Variants in TMEM178A observed in about 807,000 individuals in gnomAD.
The protein encoded by TMEM178A is transmembrane protein 178.
TMEM178A carries 12 observed loss-of-function variants against 29.1 expected under a neutral mutation model. The observed-to-expected ratio is 0.41, with a 90% CI of 0.26 to 0.67. The LOEUF (loss-of-function observed/expected upper bound fraction) is 0.67, where lower values mean the gene tolerates loss of function less well. Among genes scored for constraint, TMEM178A ranks in the 30% least tolerant of loss-of-function variants. The pLI is 0.29. For missense variants in TMEM178A, 366 were observed against 419.1 expected (o/e 0.87, Z 1.11); for synonymous variants, 210 against 187.2 (o/e 1.12, Z -0.99).
At chr2:39,709,821 GA>G (rs1672224715) in intron 3 of TMEM178A, among the ~76,000 whole-genome samples, 1 of 152,240 alleles carries the variant, frequency 6.6e-6, no homozygotes, top group Non-Finnish European at 1.5e-5. Flanking sequence ...GCCTCAGTAG[GA>G]GGAGTTTTTA....
chr2:39,689,821 A>G (rs1671235411), intron 1 of TMEM178A, among the ~76,000 whole-genome samples: 1 of 152,236 alleles, frequency 6.6e-6, no homozygotes, highest in Non-Finnish European at 1.5e-5. Context: ...GTGGTAACTC[A>G]GGAGTCCAGT....
At chr2:39,682,844 G>A (rs1670924575) in intron 1 of TMEM178A, among the ~76,000 whole-genome samples, 1 of 152,156 alleles carries the variant, frequency 6.6e-6, no homozygotes, top group South Asian at 2.1e-4. Context: ...TGGGTCACAG[G>A]GTCTGTGAAA....
chr2:39,667,649 G>C, intron 1 of TMEM178A, among the ~76,000 whole-genome samples: 1 of 152,184 alleles, frequency 6.6e-6, no homozygotes, highest in Admixed American at 6.5e-5. Flanking sequence ...CTAGTTGGCG[G>C]ATTCTTCATT....
chr2:39,666,125 G>A lies in TMEM178A; in HGVS notation c.151G>A (p.Asp51Asn). 6.5e-7 allele frequency: 1 copy of A among 1,542,270 alleles called. No individual in the cohort carries two copies. The highest frequency in any genetic ancestry group is 1.4e-5 in the African/African-American group (1 of 70,150). ...CTGCGAGCGCAGCCGCGCGGGCGCC[G>A]ACCCCCCGGACCAGAAGAACCGCCT... ...ESCERSRAGA[D>N]PPDQKNRLMP... Residue 51 changes from aspartate (D) to asparagine (N), a missense_variant, in exon 1 of 4, where the codon GAC becomes AAC. By Grantham distance (23) the Asp-to-Asn change is conservative (BLOSUM62 1). Transcript: ENST00000281961.
At chr2:39,725,289 G>A in the TMEM178A span, among the ~76,000 whole-genome samples, 1 of 152,098 alleles carries the variant, frequency 6.6e-6, no homozygotes, top group Non-Finnish European at 1.5e-5. Context: ...GAGTTAAGAG[G>A]AAATTCAGTA....
chr2:39,668,307 C>G (rs1455144959), intron 1 of TMEM178A, among the ~76,000 whole-genome samples: 1 of 152,174 alleles, frequency 6.6e-6, no homozygotes, highest in East Asian at 1.9e-4. Flanking sequence ...CTCATATACT[C>G]GTTAAAAGAA....
chr2:39,700,251 C>G (rs1485516509), intron 1 of TMEM178A, among the ~76,000 whole-genome samples: 2 of 152,032 alleles, frequency 1.3e-5, no homozygotes, highest in African/African-American at 4.8e-5. Context: ...AGTTGTTTTA[C>G]TATTATTGAA....
chr2:39,673,069 T>C (rs1670470470), intron 1 of TMEM178A, among the ~76,000 whole-genome samples: 1 of 152,222 alleles, frequency 6.6e-6, no homozygotes, highest in Admixed American at 6.5e-5. Context: ...CAGCTTATAA[T>C]TACAGATTAT....
chr2:39,678,014 G>T lies in TMEM178A; in HGVS notation c.400+11640G>T, dbSNP rs541670817. The stretch of plus-strand genomic sequence containing the variant: ...GGAGAGAAAGGAAAGGAGATAGGAA[G>T]CCCAAGAAGGAAGGCAGGAAGGAAC... On this transcript the variant is annotated intron_variant, in intron 1 of 3. Coordinates refer to ENST00000281961, the MANE Select transcript of TMEM178A (RefSeq NM_152390.3). 6.2e-4 allele frequency among the ~76,000 whole-genome samples: 94 copies of T among 152,112 alleles called. 1 individual carries two copies. The highest frequency in any genetic ancestry group is 2.0e-3 in the African/African-American group (85 of 41,506).
chr2:39,706,176 G>A (rs1672024673), intron 2 of TMEM178A, among the ~76,000 whole-genome samples: 1 of 152,218 alleles, frequency 6.6e-6, no homozygotes, highest in Non-Finnish European at 1.5e-5. Context: ...TGTCAGGCAT[G>A]TGGGGAAAGA....
Position 39,713,030 on chromosome 2 carries a change from A to T in TMEM178A, c.653-3980A>T, listed in dbSNP as rs369297308. The stretch of plus-strand genomic sequence containing the variant: ...ATTCAGTTTCGTTCAGGTTTTCTTC[A>T]CTCCATGTGCTCAGCTCTGTTGGAC... On this transcript the variant is annotated intron_variant, in intron 3 of 3. Coordinates refer to ENST00000281961, the MANE Select transcript of TMEM178A (RefSeq NM_152390.3). 1.9e-4 allele frequency among the ~76,000 whole-genome samples: 29 copies of T among 152,192 alleles called. No homozygotes were observed. The East Asian group carries it at 2.7e-3, about 14-fold the overall frequency.
intron 1 of TMEM178A, among the ~76,000 whole-genome samples, chr2:39,666,890 G>A (rs1362303570): frequency 6.6e-6 from 1 of 152,246 alleles, no homozygotes; most frequent in African/African-American, 2.4e-5. Flanking sequence ...GTATTGTGCG[G>A]ATGCTGGTGT....
the TMEM178A span, among the ~76,000 whole-genome samples, chr2:39,734,606 G>A: frequency 6.6e-6 from 1 of 152,150 alleles, no homozygotes; most frequent in Non-Finnish European, 1.5e-5. Context: ...TTTGTTTAAT[G>A]CATATTTCAA....
intron 1 of TMEM178A, among the ~76,000 whole-genome samples, chr2:39,703,025 T>A (rs1671861460): frequency 6.6e-6 from 1 of 152,216 alleles, no homozygotes; most frequent in Non-Finnish European, 1.5e-5. Flanking sequence ...CAAATTATGC[T>A]CAAATATTAA....
intron 2 of TMEM178A, among the ~76,000 whole-genome samples, chr2:39,704,425 C>G (rs1671935171): frequency 6.6e-6 from 1 of 152,114 alleles, no homozygotes; most frequent in African/African-American, 2.4e-5. Flanking sequence ...GATAGTCTGC[C>G]CTGGTGGCAT....
At chr2:39,695,577 T>A (rs1283657138) in intron 1 of TMEM178A, among the ~76,000 whole-genome samples, 1 of 151,588 alleles carries the variant, frequency 6.6e-6, no homozygotes, top group African/African-American at 2.4e-5. Flanking sequence ...AAGTTAGTGA[T>A]GTAGGCTAGG....
intron 1 of TMEM178A, among the ~76,000 whole-genome samples, chr2:39,686,396 C>T (rs1671077568): frequency 6.6e-6 from 1 of 152,046 alleles, no homozygotes; most frequent in Non-Finnish European, 1.5e-5. Context: ...AAAATGTCTT[C>T]AGAATTCTCT....
At chr2:39,732,157 TG>T in the TMEM178A span, among the ~76,000 whole-genome samples, 1 of 152,226 alleles carries the variant, frequency 6.6e-6, no homozygotes, top group African/African-American at 2.4e-5. Flanking sequence ...CTCCAAGTTC[TG>T]CTCCCTGGGA....
At chr2:39,724,501 A>G in the TMEM178A span, among the ~76,000 whole-genome samples, 3 of 152,226 alleles carry the variant, frequency 2.0e-5, no homozygotes, top group Non-Finnish European at 2.9e-5. Flanking sequence ...TAAAAAACAT[A>G]ACATATTAAG....
Sources: gnomAD v4.1 joint callset for allele counts (sites outside exome capture counted in the v4.1 genomes callset) on GRCh38, gnomAD v4.1.1 for gene constraint, MANE v1.5 for transcripts, NCBI Gene and HGNC (gene_info 2026-07-23, HGNC 2026-07-21) for gene names.